The following OLA1 variants were observed in gnomAD, a reference collection of about 807,000 sequenced individuals.
The protein encoded by OLA1 is obg-like ATPase 1.
Under a neutral mutation model 48.4 loss-of-function variants are expected in OLA1, and 14 were observed. The ratio of observed to expected loss-of-function variants is 0.29; its 90% CI spans 0.19 to 0.45. The LOEUF (loss-of-function observed/expected upper bound fraction) is 0.45. Ranked by LOEUF, OLA1 falls within the 20% of genes least tolerant of loss-of-function variation. The probability of loss-of-function intolerance (pLI) is 1.00; values close to 1 mark genes in which losing one functional copy is unlikely to be tolerated. For missense variants in OLA1, 325 were observed against 467.1 expected (o/e 0.70, Z 2.80); for synonymous variants, 127 against 150.4 (o/e 0.84, Z 1.14).
chr2:174,209,593 G>T (rs1688198000), intron 4 of OLA1, among the ~76,000 whole-genome samples: 1 of 152,060 alleles, frequency 6.6e-6, no homozygotes, highest in South Asian at 2.1e-4. Flanking sequence ...AAGCAGAGGT[G>T]AACAATTTAA....
intron 4 of OLA1, among the ~76,000 whole-genome samples, chr2:174,188,588 G>C (rs1172599878): frequency 1.3e-5 from 2 of 151,994 alleles, no homozygotes; most frequent in Non-Finnish European, 2.9e-5. Flanking sequence ...TAAGTACTTA[G>C]ATGTAAATAA....
chr2:174,192,439 C>T (rs1357708548), intron 4 of OLA1, among the ~76,000 whole-genome samples: 2 of 152,160 alleles, frequency 1.3e-5, no homozygotes, highest in Non-Finnish European at 2.9e-5. Context: ...ACTCAGCCTA[C>T]ACACCACTTC....
intron 2 of OLA1, chr2:174,240,058 G>A (rs773674334): frequency 6.6e-6 from 1 of 152,020 alleles, no homozygotes; most frequent in Non-Finnish European, 1.5e-5. Context: ...TCCAAGCAGA[G>A]GTTAAATAGG....
At chr2:174,167,350 T>C (rs1296447450) in intron 4 of OLA1, among the ~76,000 whole-genome samples, 1 of 152,144 alleles carries the variant, frequency 6.6e-6, no homozygotes, top group Admixed American at 6.5e-5. Context: ...CCAAGGTGGG[T>C]GGATCACTTG....
chr2:174,113,396 A>G (rs1366404398), intron 7 of OLA1, among the ~76,000 whole-genome samples: 1 of 152,154 alleles, frequency 6.6e-6, no homozygotes, highest in Non-Finnish European at 1.5e-5. Flanking sequence ...AATTTCATAT[A>G]ATTTTTAATT....
At chr2:174,103,077 T>C (rs970449955) in intron 7 of OLA1, among the ~76,000 whole-genome samples, 6 of 152,062 alleles carry the variant, frequency 3.9e-5, no homozygotes, top group South Asian at 4.1e-4. Flanking sequence ...AATAACATCA[T>C]GCTTATATGC....
chr2:174,238,822 G>A (rs1688926659), intron 2 of OLA1, among the ~76,000 whole-genome samples: 2 of 152,216 alleles, frequency 1.3e-5, no homozygotes, highest in South Asian at 4.1e-4. Context: ...TATAAAATAT[G>A]TTGTATATAA....
chr2:174,173,264 A>G (rs79552425), intron 4 of OLA1, among the ~76,000 whole-genome samples: 4,698 of 152,294 alleles, frequency 0.031, 130 homozygotes, highest in Middle Eastern at 0.11. Context: ...TAATAAGAAG[A>G]AATGATTATA....
At position 174,141,992 on chromosome 2, in the gene OLA1, C is replaced by T. The variant is rs1482567027; in HGVS notation, c.382G>A (p.Glu128Lys). 6.2e-7 allele frequency: 1 copy of T among 1,613,082 alleles called. No homozygotes were observed. Among genetic ancestry groups the T allele is most frequent in the East Asian group, 2.2e-5 (1 of 44,728 alleles). Residue 128 changes from glutamate to lysine, a missense_variant, in exon 5 of 11, where the codon GAA becomes AAA. Physicochemically the swap from Glu to Lys is moderately conservative, Grantham distance 56. Coordinates refer to ENST00000284719, the MANE Select transcript of OLA1 (RefSeq NM_013341.5). ...TCAACGTGCGTGATATCATCATCTT[C>T]AAAAGCACCTAAAATGAATTAAAGG... Reference protein sequence around the residue: ...DGIFHLTRAFEDDDITHVEGS... With the variant: ...DGIFHLTRAFKDDDITHVEGS...
chr2:174,155,715 T>A (rs1317262451), intron 4 of OLA1, among the ~76,000 whole-genome samples: 1 of 151,934 alleles, frequency 6.6e-6, no homozygotes, highest in Admixed American at 6.6e-5. Flanking sequence ...ATACTATAAC[T>A]AAGACCAATG....
intron 4 of OLA1, among the ~76,000 whole-genome samples, chr2:174,190,231 C>T (rs941847072): frequency 1.1e-4 from 16 of 152,228 alleles, no homozygotes; most frequent in African/African-American, 2.4e-4. Context: ...TAAACCTTCT[C>T]GGCATATACC....
chr2:174,077,083 G>A (rs1436755075), intron 10 of OLA1, among the ~76,000 whole-genome samples: 1 of 151,398 alleles, frequency 6.6e-6, no homozygotes, highest in Admixed American at 6.6e-5. Flanking sequence ...AGAAACACTG[G>A]TTGAAAAAAA....
At chr2:174,095,325 G>GTTT (rs1205716344) in intron 7 of OLA1, among the ~76,000 whole-genome samples, 4,469 of 77,484 alleles carry the variant, frequency 0.058, 164 homozygotes, top group African/African-American at 0.084. Flanking sequence ...GTTATTTCCT[G>GTTT]TTTTTTTTTT....
intron 4 of OLA1, among the ~76,000 whole-genome samples, chr2:174,167,283 T>TA (rs1255499227): frequency 2.0e-5 from 3 of 152,178 alleles, no homozygotes; most frequent in Non-Finnish European, 4.4e-5. Context: ...TTTATAGAAA[T>TA]ACAATCCTTA....
At chr2:174,134,410 A>T (rs1686253600) in intron 5 of OLA1, among the ~76,000 whole-genome samples, 1 of 152,192 alleles carries the variant, frequency 6.6e-6, no homozygotes. Context: ...CATATTCATC[A>T]CCTCATACAT....
chr2:174,166,625 G>C lies in OLA1; in HGVS notation c.374-24625C>G, dbSNP rs148539874. Among the ~76,000 whole-genome samples the C allele has an allele frequency of 2.3e-3, 351 of 152,272 alleles. 2 individuals are homozygous for C. Among genetic ancestry groups the C allele is most frequent in the South Asian group, 4.1e-3 (20 of 4,824 alleles). ...ATTACTACTATAGCACGGTGCAATA[G>C]TGCTTTTTGTCATTTTGCTAAGTAT... On this transcript the variant is annotated intron_variant, in intron 4 of 10. Transcript: ENST00000284719.
chr2:174,227,981 A>G (rs1333901905), intron 3 of OLA1, among the ~76,000 whole-genome samples: 1 of 152,246 alleles, frequency 6.6e-6, no homozygotes, highest in Non-Finnish European at 1.5e-5. Flanking sequence ...AGAAGAATCA[A>G]AGATAAATGG....
At chr2:174,205,177 G>A (rs2105435979) in intron 4 of OLA1, among the ~76,000 whole-genome samples, 1 of 152,248 alleles carries the variant, frequency 6.6e-6, no homozygotes, top group South Asian at 2.1e-4. Flanking sequence ...ATATAACACT[G>A]CTTCAATTTT....
chr2:174,101,580 T>C (rs535683475), intron 7 of OLA1, among the ~76,000 whole-genome samples: 1 of 152,336 alleles, frequency 6.6e-6, no homozygotes, highest in South Asian at 2.1e-4. Flanking sequence ...TTGCCTATCC[T>C]GGGTTGTGAA....
Sources: allele counts gnomAD v4.1 joint callset (sites outside exome capture counted in the v4.1 genomes callset), GRCh38; gene constraint gnomAD v4.1.1; transcripts MANE v1.5; gene names NCBI Gene and HGNC (gene_info 2026-07-23, HGNC 2026-07-21).